CEP295: variants seen among roughly 807,000 people sequenced by gnomAD.
The protein encoded by CEP295 is centrosomal protein of 295 kDa.
Under a neutral mutation model 291.6 loss-of-function variants are expected in CEP295, and 190 were observed. The ratio of observed to expected loss-of-function variants is 0.65; its 90% CI spans 0.58 to 0.73. The LOEUF is 0.73. Among genes scored for constraint, CEP295 ranks in the 30% least tolerant of loss-of-function variants. The pLI, the probability that CEP295 is intolerant of heterozygous loss-of-function variation, is 0.00. For missense variants in CEP295, 2,863 were observed against 2,949.4 expected, an observed-to-expected ratio of 0.97 and a Z score of 0.68; for synonymous variants, 993 against 1,038.8, an observed-to-expected ratio of 0.96 and a Z score of 0.85.
Position 93,698,027 on chromosome 11 carries a change from T to A in CEP295, c.3115T>A (p.Ser1039Thr). The A allele has an allele frequency of 6.4e-7, 1 of 1,551,710 alleles. No homozygotes were observed. Among genetic ancestry groups the A allele is most frequent in the Non-Finnish European group, 8.7e-7 (1 of 1,146,966 alleles). The change falls in exon 15 of 30, where the codon TCT becomes ACT. Residue 1039 changes from serine (S) to threonine (T), a missense_variant. Transcript: ENST00000325212. ...LVSCQSDIPI[S>T]QDGSLSFLQQ... Reference sequence around the variant, plus strand: ...TTCATGCCAATCTGACATCCCCATATCTCAGGATGGGTCTTTGAGTTTCCT... The same window carrying A: ...TTCATGCCAATCTGACATCCCCATAACTCAGGATGGGTCTTTGAGTTTCCT...
At chr11:93,691,637 G>T in intron 10 of CEP295, 46 bp from the exon 11 acceptor site, 2 of 1,266,868 alleles carry the variant, frequency 1.6e-6, no homozygotes, top group South Asian at 2.7e-5. Flanking sequence ...CTTTAAGTTT[G>T]ACAATGATTA....
In CEP295 at chr11:93,698,231, C is replaced by A. The variant is rs746991122; in HGVS notation, c.3319C>A (p.Gln1107Lys). 4 of 1,551,728 alleles carry A rather than the reference C, an allele frequency of 2.6e-6. No individual in the cohort carries two copies. The South Asian group carries it at 4.8e-5, about 18-fold the overall frequency. ...CTCTTCATCCTCACCAGTGGTTGTT[C>A]AGCATTCAGTTGCTTCACAAGCTTC... ...VSSSSSPVVV[Q>K]HSVASQASAK... The change falls in exon 15 of 30, where the codon CAG (glutamine) becomes AAG (lysine). Residue 1107 changes from glutamine to lysine, a missense_variant. Around this residue, in one of 3 missense-constraint regions of CEP295, gnomAD observed 2,295 missense variants for 2,335.7 expected, o/e 0.98. Coordinates refer to ENST00000325212, the MANE Select transcript of CEP295 (RefSeq NM_033395.2).
intron 9 of CEP295, among the ~76,000 whole-genome samples, chr11:93,684,880 A>C (rs773428888): frequency 3.9e-5 from 6 of 152,238 alleles, no homozygotes; most frequent in Non-Finnish European, 7.3e-5. Flanking sequence ...TCAGATCATC[A>C]GAGATCCTAC....
rs76093640 is a variant in CEP295 at position 93,705,534 on chromosome 11, A to T, written c.5597-1211A>T. On this transcript the variant is annotated intron_variant, in intron 17 of 29. Transcript: ENST00000325212. Reference sequence around the variant, plus strand: ...TGACTTTTCTTTTGAACTTTTGATGATCAAATTGTAGTTTCTAAAAGGTTA... The same window carrying T: ...TGACTTTTCTTTTGAACTTTTGATGTTCAAATTGTAGTTTCTAAAAGGTTA... Among the ~76,000 whole-genome samples, 603 of 151,936 alleles carry T rather than the reference A, an allele frequency of 4.0e-3. 3 individuals are homozygous for T. Among genetic ancestry groups the T allele is most frequent in the African/African-American group, 0.014 (587 of 41,442 alleles).
chr11:93,723,007 C>T, intron 20 of CEP295, 34 bp from the exon 21 acceptor site: 2 of 1,538,210 alleles, frequency 1.3e-6, no homozygotes, highest in African/African-American at 2.8e-5. Flanking sequence ...CACGCCTGGC[C>T]TATTTACATA....
At chr11:93,717,060 T>A (rs1953321597) in intron 18 of CEP295, among the ~76,000 whole-genome samples, 3 of 152,226 alleles carry the variant, frequency 2.0e-5, no homozygotes, top group Admixed American at 1.3e-4. Flanking sequence ...TAGATAATAT[T>A]ATTAAGACTT....
chr11:93,682,142 T>A (rs1316107047), intron 7 of CEP295, among the ~76,000 whole-genome samples: 1 of 152,140 alleles, frequency 6.6e-6, no homozygotes, highest in Non-Finnish European at 1.5e-5. Flanking sequence ...GCAAAAAAAA[T>A]TCATCCTCAA....
chr11:93,698,177 T>A lies in CEP295; in HGVS notation c.3265T>A (p.Leu1089Met), dbSNP rs1192879420. The A allele has an allele frequency of 2.4e-5, 38 of 1,552,058 alleles. No homozygotes were observed. The highest frequency in any genetic ancestry group is 3.2e-5 in the Non-Finnish European group (37 of 1,147,064). ...VELLLHRQRD[L>M]GDSKSGLVSS... ...ATTACTTTTACATAGACAAAGAGATTTGGGGGACAGTAAGTCTGGGCTGGT... is the reference window on the plus strand; with the variant it reads ...ATTACTTTTACATAGACAAAGAGATATGGGGGACAGTAAGTCTGGGCTGGT... The change falls in exon 15 of 30, where the codon TTG (leucine) becomes ATG (methionine). Residue 1089 changes from leucine (L) to methionine (M), a missense_variant. Physicochemically the swap from Leu to Met is conservative, Grantham distance 15. This residue lies in a region of CEP295 where 2,295 missense variants were observed against 2,335.7 expected (regional missense o/e 0.98). Transcript: ENST00000325212.
chr11:93,709,957 T>C lies in CEP295; in HGVS notation c.5749+3060T>C, dbSNP rs889152905. Among the ~76,000 whole-genome samples, 7 of 152,214 alleles carry C rather than the reference T, an allele frequency of 4.6e-5. No homozygotes were observed. In the South Asian group the frequency reaches 1.4e-3, roughly 32 times the overall value. ...TTTCAGGTGATTTGCTTTTGGCATA[T>C]AGAAATGCTACTGGTTTTTGTATGT... On this transcript the variant is annotated intron_variant, in intron 18 of 29. Transcript: ENST00000325212.
rs1951935461 is a variant in CEP295, at chr11:93,697,919, A to T, written c.3007A>T (p.Thr1003Ser). ...PSFPFQVAQHTFTSLPSADTK... is the reference protein window; with the variant it reads ...PSFPFQVAQHSFTSLPSADTK... ...TTTCCCATTTCAGGTAGCTCAGCAT[A>T]CATTTACTTCACTACCATCTGCTGA... The change falls in exon 15 of 30, where the codon ACA becomes TCA. Residue 1003 changes from threonine (T) to serine (S), a missense_variant. Thr to Ser is a moderately conservative substitution (Grantham distance 58). Around this residue, in one of 3 missense-constraint regions of CEP295, gnomAD observed 2,295 missense variants for 2,335.7 expected, o/e 0.98. Coordinates refer to ENST00000325212, the MANE Select transcript of CEP295 (RefSeq NM_033395.2). The T allele has an allele frequency of 1.3e-6, 2 of 1,551,628 alleles. No individual in the cohort carries two copies. Among genetic ancestry groups the T allele is most frequent in the African/African-American group, 2.7e-5 (2 of 73,054 alleles).
chr11:93,719,246 G>T (rs1187911865), intron 18 of CEP295, among the ~76,000 whole-genome samples: 35 of 135,526 alleles, frequency 2.6e-4, no homozygotes, highest in Admixed American at 2.5e-3. Context: ...TTTTTTCCGG[G>T]TTTTTTTTTT....
rs1952534756 is a variant in CEP295, at chr11:93,706,738, C to T, written c.5597-7C>T. On this transcript the variant is annotated splice_region_variant and splice_polypyrimidine_tract_variant and intron_variant, in intron 17 of 29. Transcript: ENST00000325212. Reference sequence around the variant, plus strand: ...AAATTGAAGTGGAAATATTTTTTCCCCCCCAGGTAAACCAGGTATTTATGA... The same window carrying T: ...AAATTGAAGTGGAAATATTTTTTCCTCCCCAGGTAAACCAGGTATTTATGA... The T allele has an allele frequency of 1.3e-6, 2 of 1,508,614 alleles. No individual in the cohort carries two copies. Among genetic ancestry groups the T allele is most frequent in the Non-Finnish European group, 1.8e-6 (2 of 1,127,718 alleles). 93.5% of individuals were successfully genotyped at this position (1,508,614 alleles called of 1,614,324 possible). A position where few individuals can be genotyped will look rare whatever the true frequency, so the allele number is the denominator to read the frequency against.
At chr11:93,719,074 C>T (rs1349626102) in intron 18 of CEP295, among the ~76,000 whole-genome samples, 1 of 150,778 alleles carries the variant, frequency 6.6e-6, no homozygotes, top group African/African-American at 2.4e-5. Flanking sequence ...TGCCTCTGCA[C>T]TCCAGCCTGG....
intron 4 of CEP295, 27 bp downstream of exon 4, chr11:93,668,959 T>G (rs1294859837): frequency 3.0e-6 from 3 of 986,700 alleles, no homozygotes; most frequent in South Asian, 3.1e-5. Flanking sequence ...TACTATAATC[T>G]CAACTGAAAC....
At position 93,729,402 on chromosome 11, in the gene CEP295, A is replaced by AAG. The variant is rs1591186278; in HGVS notation, c.7303-29_7303-28dup. The AAG allele has an allele frequency of 2.8e-6, 4 of 1,449,682 alleles. No homozygotes were observed. The East Asian group carries it at 7.4e-5, about 27-fold the overall frequency. 89.8% of individuals were successfully genotyped at this position (1,449,682 alleles called of 1,614,324 possible). On this transcript the variant is annotated intron_variant, in intron 25 of 29. Coordinates refer to ENST00000325212, the MANE Select transcript of CEP295 (RefSeq NM_033395.2). ...GCAAGACCCGCTTAAAGCGTTTAAA[A>AAG]AGAGTAAAACATGCAACTTTCTTGC...
intron 12 of CEP295, among the ~76,000 whole-genome samples, chr11:93,693,492 A>G (rs151115433): frequency 2.6e-5 from 4 of 152,292 alleles, no homozygotes; most frequent in African/African-American, 9.6e-5. Flanking sequence ...GCAGTGGCTC[A>G]TATCTGTCAT....
chr11:93,697,604 G>T lies in CEP295; in HGVS notation c.2692G>T (p.Ala898Ser), dbSNP rs1269526564. 2.6e-6 allele frequency: 4 copies of T among 1,551,830 alleles called. No homozygotes were observed. The East Asian group carries it at 9.8e-5, about 38-fold the overall frequency. ...FLPLVTPDSS[A>S]LLPSAKADLG... ...TCCCTTGGTAACTCCAGATTCATCT[G>T]CTTTATTGCCTTCTGCCAAAGCAGA... Residue 898 changes from alanine (A) to serine (S), a missense_variant, in exon 15 of 30, where the codon GCT becomes TCT. Around this residue, in one of 3 missense-constraint regions of CEP295, gnomAD observed 2,295 missense variants for 2,335.7 expected, o/e 0.98. Coordinates refer to ENST00000325212, the MANE Select transcript of CEP295 (RefSeq NM_033395.2).
Position 93,702,925 on chromosome 11 carries a change from T to C in CEP295, c.5596+6T>C. On this transcript the variant is annotated splice_donor_region_variant and intron_variant, in intron 17 of 29. Coordinates refer to ENST00000325212, the MANE Select transcript of CEP295 (RefSeq NM_033395.2). ...TGGCAGAACTTCTATACTAGGTAAA[T>C]AGATGCTTTGATAAAACAAGATTTT... The C allele has an allele frequency of 6.5e-7, 1 of 1,527,758 alleles. No homozygotes were observed. The highest frequency in any genetic ancestry group is 8.8e-7 in the Non-Finnish European group (1 of 1,139,192). 94.6% of individuals were successfully genotyped at this position (1,527,758 alleles called of 1,614,324 possible). A position where few individuals can be genotyped will look rare whatever the true frequency, so the allele number is the denominator to read the frequency against.
At chr11:93,714,226 AC>A (rs1216556638) in intron 18 of CEP295, among the ~76,000 whole-genome samples, 1 of 152,018 alleles carries the variant, frequency 6.6e-6, no homozygotes, top group Non-Finnish European at 1.5e-5. Flanking sequence ...GTTCATTGGT[AC>A]CAGGGCATTA....
Sources: gnomAD v4.1 joint callset for allele counts (sites outside exome capture counted in the v4.1 genomes callset) on GRCh38, gnomAD v4.1.1 for gene constraint, gnomAD v4.1.1 regional missense constraint, MANE v1.5 for transcripts, NCBI Gene and HGNC (gene_info 2026-07-23, HGNC 2026-07-21) for gene names.